The following SLC30A8 variants were observed in gnomAD, a reference collection of about 807,000 sequenced individuals.
SLC30A8 encodes solute carrier family 30 member 8.
Under a neutral mutation model 36.9 loss-of-function variants are expected in SLC30A8, and 27 were observed. The ratio of observed to expected loss-of-function variants is 0.73; its 90% CI spans 0.54 to 1.01. SLC30A8 has a LOEUF of 1.01. SLC30A8 is among the 50% of genes least tolerant of loss of function. The pLI is 0.00. For synonymous variants in SLC30A8, 164 were observed against 172.4 expected, an observed-to-expected ratio of 0.95 and a Z score of 0.38; for missense variants, 439 against 452.0, an observed-to-expected ratio of 0.97 and a Z score of 0.26.
intron 1 of SLC30A8, among the ~76,000 whole-genome samples, chr8:116,998,040 A>G (rs1004906194): frequency 1.3e-5 from 2 of 151,936 alleles, no homozygotes; most frequent in African/African-American, 4.9e-5. Context: ...TGATCTAAGC[A>G]GAGATTGTAA....
chr8:117,016,125 T>A (rs573528047), intron 1 of SLC30A8, among the ~76,000 whole-genome samples: 28 of 152,304 alleles, frequency 1.8e-4, no homozygotes, highest in Non-Finnish European at 1.8e-4. Context: ...GCTGTCTGTT[T>A]AGACCAGGCA....
intron 1 of SLC30A8, among the ~76,000 whole-genome samples, chr8:117,010,336 CCAGCT>C (rs1816305214): frequency 6.6e-6 from 1 of 152,142 alleles, no homozygotes; most frequent in Non-Finnish European, 1.5e-5. Context: ...AAAGCTTCAG[CCAGCT>C]CCCACAGTGT....
intron 2 of SLC30A8, among the ~76,000 whole-genome samples, chr8:117,111,774 G>A (rs1820238204): frequency 6.6e-6 from 1 of 152,156 alleles, no homozygotes; most frequent in Admixed American, 6.5e-5. Context: ...GGAAGCCACA[G>A]CTGAGAGATA....
chr8:116,978,245 G>A (rs1392821757), intron 1 of SLC30A8, among the ~76,000 whole-genome samples: 1 of 151,986 alleles, frequency 6.6e-6, no homozygotes, highest in Non-Finnish European at 1.5e-5. Context: ...TTTAGTCAGT[G>A]TTTGATATTA....
intron 2 of SLC30A8, among the ~76,000 whole-genome samples, chr8:117,112,791 T>G (rs970502072): frequency 6.6e-6 from 1 of 152,160 alleles, no homozygotes; most frequent in Non-Finnish European, 1.5e-5. Context: ...CTGGGGTGTA[T>G]CCCAAGGACT....
chr8:117,030,366 C>A (rs534169093), intron 1 of SLC30A8, among the ~76,000 whole-genome samples: 43 of 152,232 alleles, frequency 2.8e-4, no homozygotes, highest in African/African-American at 9.4e-4. Flanking sequence ...TAGTTGTTCA[C>A]CAGGCATGTT....
intron 2 of SLC30A8, among the ~76,000 whole-genome samples, chr8:117,060,124 G>A (rs1206577507): frequency 6.6e-6 from 1 of 152,118 alleles, no homozygotes; most frequent in Non-Finnish European, 1.5e-5. Context: ...GTGTCAGCAG[G>A]ACATGCAGGC....
chr8:117,045,594 C>T (rs1408665075), intron 2 of SLC30A8, among the ~76,000 whole-genome samples: 2 of 152,132 alleles, frequency 1.3e-5, no homozygotes, highest in Non-Finnish European at 2.9e-5. Flanking sequence ...AAATACTGAA[C>T]AGAGGCCACG....
chr8:117,135,440 A>G (rs765349587), intron 1 of SLC30A8, 42 bp downstream of exon 1: 46 of 1,479,846 alleles, frequency 3.1e-5, no homozygotes, highest in Non-Finnish European at 4.0e-5. Flanking sequence ...TCTCTGTTGA[A>G]TATCATCCAA....
At chr8:117,155,390 A>G (rs1411147794) in intron 3 of SLC30A8, among the ~76,000 whole-genome samples, 1 of 151,996 alleles carries the variant, frequency 6.6e-6, no homozygotes, top group African/African-American at 2.4e-5. Context: ...CACAGACTCA[A>G]CCTCCATTTC....
At position 117,081,062 on chromosome 8, in the gene SLC30A8, A is replaced by AT. The variant is rs369528009; in HGVS notation, c.-226+41810dup. Among the ~76,000 whole-genome samples the AT allele has an allele frequency of 3.2e-3, 481 of 152,258 alleles. 5 individuals carry two copies. Among genetic ancestry groups the AT allele is most frequent in the African/African-American group, 0.011 (444 of 41,532 alleles). On this transcript the variant is annotated intron_variant, in intron 2 of 10. Coordinates refer to the SLC30A8 transcript ENST00000427715. Reference sequence around the variant, plus strand: ...TACTTTAATATCTTCCTCCAAAGTCATTTTTTGTAAACTGCAGAGTCATCT... The same window carrying AT: ...TACTTTAATATCTTCCTCCAAAGTCATTTTTTTGTAAACTGCAGAGTCATCT...
intron 1 of SLC30A8, among the ~76,000 whole-genome samples, chr8:116,967,224 A>G (rs376931530): frequency 1.3e-5 from 2 of 152,340 alleles, no homozygotes. Context: ...TAAATTTAAA[A>G]ACACAAACAA....
chr8:117,002,978 A>T (rs569168110), intron 1 of SLC30A8, among the ~76,000 whole-genome samples: 2 of 152,302 alleles, frequency 1.3e-5, no homozygotes, highest in Admixed American at 1.3e-4. Flanking sequence ...TGCCCAGATT[A>T]ACCAACTTGG....
chr8:116,964,274 A>C (rs893772797), intron 1 of SLC30A8, among the ~76,000 whole-genome samples: 1 of 152,170 alleles, frequency 6.6e-6, no homozygotes, highest in African/African-American at 2.4e-5. Flanking sequence ...TGGATCCATT[A>C]ATTAATTTAT....
At chr8:116,978,081 A>G (rs534413864) in intron 1 of SLC30A8, among the ~76,000 whole-genome samples, 1 of 152,150 alleles carries the variant, frequency 6.6e-6, no homozygotes, top group African/African-American at 2.4e-5. Context: ...CACCCTTCCC[A>G]TTTAACCTTC....
At chr8:116,990,357 C>A (rs1815591861) in intron 1 of SLC30A8, among the ~76,000 whole-genome samples, 1 of 151,902 alleles carries the variant, frequency 6.6e-6, no homozygotes, top group African/African-American at 2.4e-5. Context: ...TCTGGCAAAC[C>A]AAGTGATCAA....
chr8:116,968,103 C>A (rs1472313967), intron 1 of SLC30A8, among the ~76,000 whole-genome samples: 1 of 152,030 alleles, frequency 6.6e-6, no homozygotes, highest in East Asian at 1.9e-4. Flanking sequence ...ACACAAGTTA[C>A]CTTTGTGGAT....
chr8:117,091,691 G>C (rs923007206), intron 2 of SLC30A8, among the ~76,000 whole-genome samples: 1 of 152,072 alleles, frequency 6.6e-6, no homozygotes, highest in Non-Finnish European at 1.5e-5. Flanking sequence ...CAGAAATCCC[G>C]TTATGTATTT....
At chr8:117,022,333 A>G (rs1816725464) in intron 1 of SLC30A8, among the ~76,000 whole-genome samples, 1 of 152,216 alleles carries the variant, frequency 6.6e-6, no homozygotes. Flanking sequence ...CTGTATTTAC[A>G]TTAGGATCTT....
Sources: gnomAD v4.1 joint callset for allele counts (sites outside exome capture counted in the v4.1 genomes callset) on GRCh38, gnomAD v4.1.1 for gene constraint, MANE v1.5 for transcripts, NCBI Gene and HGNC (gene_info 2026-07-23, HGNC 2026-07-21) for gene names.